TM6SF1: variants seen among roughly 807,000 people sequenced by gnomAD.
The protein encoded by TM6SF1 is transmembrane 6 superfamily member 1.
In TM6SF1, 43 loss-of-function variants were observed where a neutral mutation model predicts 47.1. That is an observed-to-expected ratio of 0.91 (90% confidence interval 0.72 to 1.18). TM6SF1 has a LOEUF of 1.18. Ranked by LOEUF, TM6SF1 falls within the 50% of genes most tolerant of loss-of-function variation. The pLI is 0.00. For synonymous variants in TM6SF1, 177 were observed against 166.3 expected (o/e 1.06, Z -0.49); for missense variants, 390 against 449.0 (o/e 0.87, Z 1.19).
In TM6SF1 at chr15:83,115,851, C is replaced by A. The variant is rs2034613617; in HGVS notation, c.203C>A (p.Ala68Glu). 1 of 1,613,058 alleles carries A rather than the reference C, an allele frequency of 6.2e-7. No homozygotes were observed. ...PPRDPLFYVY[A>E]VFGFTSVVNL... ...GCTGCTTTCTTTGCTCTAGTGTATG[C>A]AGTTTTTGGATTTACCAGCGTGGTG... Residue 68 changes from alanine (A) to glutamate (E), a missense_variant, in exon 3 of 10, where the codon GCA becomes GAA. By Grantham distance (107) the Ala-to-Glu change is moderately radical. Coordinates refer to ENST00000322019, the MANE Select transcript of TM6SF1 (RefSeq NM_023003.5).
At chr15:83,112,928 G>A (rs1232734571) in intron 2 of TM6SF1, 28 bp downstream of exon 2, 2 of 1,518,300 alleles carry the variant, frequency 1.3e-6, no homozygotes, top group East Asian at 2.2e-5. Flanking sequence ...GAAATCTTTT[G>A]TATCTGATTA....
intron 1 of TM6SF1, among the ~76,000 whole-genome samples, chr15:83,110,567 T>G (rs1331177599): frequency 5.3e-5 from 8 of 152,208 alleles, no homozygotes; most frequent in Non-Finnish European, 1.2e-4. Context: ...GCGATCCTGC[T>G]GGCAGTGAGT....
At position 83,126,163 on chromosome 15, in the gene TM6SF1, A is replaced by T. The variant is rs1178419950; in HGVS notation, c.709-592A>T. Among the ~76,000 whole-genome samples the T allele has an allele frequency of 2.0e-5, 3 of 152,200 alleles. No individual in the cohort carries two copies. The East Asian group carries it at 5.8e-4, about 29-fold the overall frequency. On this transcript the variant is annotated intron_variant, in intron 7 of 9. Transcript: ENST00000322019. The stretch of plus-strand genomic sequence containing the variant: ...CTCTGTCATTGGCCTGTGTTCATAT[A>T]TGCCATCTAGGTGGGACAACATTTA...
chr15:83,126,683 A>G lies in TM6SF1; in HGVS notation c.709-72A>G, dbSNP rs2035776952. On this transcript the variant is annotated intron_variant, in intron 7 of 9. Coordinates refer to ENST00000322019, the MANE Select transcript of TM6SF1 (RefSeq NM_023003.5). ...AGCAGCTTGTGACTAAACCTGGCAC[A>G]TTTAGCCTTATCAGCAAACCTAAGA... is the stretch of plus-strand genomic sequence containing the variant. The G allele has an allele frequency of 4.7e-6, 6 of 1,269,628 alleles. No individual in the cohort carries two copies. In the East Asian group the frequency reaches 1.2e-4, roughly 25 times the overall value. 78.6% of individuals were successfully genotyped at this position (1,269,628 alleles called of 1,614,324 possible). A position where few individuals can be genotyped will look rare whatever the true frequency, so the allele number is the denominator to read the frequency against.
Position 83,107,792 on chromosome 15 carries a change from G to T in TM6SF1, c.92+20G>T, listed in dbSNP as rs751130486. Reference sequence around the variant, plus strand: ...GCATGAGTGAGTGAGCCGGCGCGGCGGGGGTCGCGCCGAGGGGCGGCGGGA... The same window carrying T: ...GCATGAGTGAGTGAGCCGGCGCGGCTGGGGTCGCGCCGAGGGGCGGCGGGA... On this transcript the variant is annotated intron_variant, in intron 1 of 9. Coordinates refer to ENST00000322019, the MANE Select transcript of TM6SF1 (RefSeq NM_023003.5). This position sits in a 1 kb window ranked among gnomAD's most constrained non-coding sequence, Gnocchi z 5.6. 39 of 1,569,664 alleles carry T rather than the reference G, an allele frequency of 2.5e-5. No individual in the cohort carries two copies. The South Asian group carries it at 4.5e-4, about 18-fold the overall frequency.
chr15:83,124,478 C>A (rs183844844), intron 6 of TM6SF1, among the ~76,000 whole-genome samples, 194 bp from the exon 7 acceptor site: 2 of 152,218 alleles, frequency 1.3e-5, no homozygotes, highest in Non-Finnish European at 2.9e-5. Flanking sequence ...AGCCCAAATT[C>A]TTCATTTCAC....
chr15:83,116,598 G>C (rs1450705517), intron 3 of TM6SF1, among the ~76,000 whole-genome samples: 1 of 152,186 alleles, frequency 6.6e-6, no homozygotes, highest in Admixed American at 6.5e-5. Context: ...TGTGAGGGAA[G>C]ATTTTAAGTC....
chr15:83,136,444 T>C, intron 9 of TM6SF1, 37 bp from the exon 10 acceptor site: 1 of 1,540,350 alleles, frequency 6.5e-7, no homozygotes, highest in East Asian at 2.2e-5. Context: ...TGAACACGTT[T>C]CATGCTTACT....
intron 1 of TM6SF1, among the ~76,000 whole-genome samples, chr15:83,108,749 C>G (rs1257554320): frequency 3.3e-5 from 5 of 152,156 alleles, no homozygotes; most frequent in Non-Finnish European, 7.4e-5. Context: ...GCTGCAAACC[C>G]CCTTCAGCTG....
chr15:83,122,312 C>A (rs1035920884), intron 5 of TM6SF1, among the ~76,000 whole-genome samples: 1 of 151,828 alleles, frequency 6.6e-6, no homozygotes, highest in Non-Finnish European at 1.5e-5. Flanking sequence ...TATGTTAACT[C>A]CTGACACACT....
intron 3 of TM6SF1, among the ~76,000 whole-genome samples, chr15:83,119,131 C>A (rs1700420457): frequency 6.6e-6 from 1 of 152,146 alleles, no homozygotes; most frequent in Non-Finnish European, 1.5e-5. Flanking sequence ...AGTGTTGTGC[C>A]ATGCCCAGCC....
intron 9 of TM6SF1, chr15:83,130,670 GC>G (rs2036168576): frequency 6.6e-6 from 1 of 152,222 alleles, no homozygotes; most frequent in Non-Finnish European, 1.5e-5. Context: ...AAAGTTAGAA[GC>G]CATGCCGCAA....
intron 4 of TM6SF1, among the ~76,000 whole-genome samples, chr15:83,120,559 A>G (rs558990290): frequency 5.4e-4 from 80 of 148,874 alleles, no homozygotes; most frequent in Middle Eastern, 7.3e-3. Context: ...CACTCCCAAC[A>G]TGCACTCAAG....
chr15:83,128,311 A>C (rs889747795), intron 9 of TM6SF1: 22 of 152,356 alleles, frequency 1.4e-4, no homozygotes, highest in African/African-American at 5.3e-4. Flanking sequence ...TAAGGGGTCA[A>C]TGCATTAAAT....
Position 83,115,907 on chromosome 15 carries a change from A to G in TM6SF1, c.259A>G (p.Ile87Val). 1 of 1,614,182 alleles carries G rather than the reference A, an allele frequency of 6.2e-7. No homozygotes were observed. Among genetic ancestry groups the G allele is most frequent in the South Asian group, 1.1e-5 (1 of 91,080 alleles). Reference protein sequence around the residue: ...NLIIGLEQDGIIDGFMTHYLR... With the variant: ...NLIIGLEQDGVIDGFMTHYLR... Reference sequence around the variant, plus strand: ...CATCATAGGACTGGAGCAAGATGGAATCATTGACGGGTTCATGACACACTA... The same window carrying G: ...CATCATAGGACTGGAGCAAGATGGAGTCATTGACGGGTTCATGACACACTA... Residue 87 changes from isoleucine to valine, a missense_variant, in exon 3 of 10, where the codon ATC becomes GTC. By Grantham distance (29) the Ile-to-Val change is conservative. Coordinates refer to ENST00000322019, the MANE Select transcript of TM6SF1 (RefSeq NM_023003.5).
chr15:83,107,927 G>A lies in TM6SF1; in HGVS notation c.92+155G>A, dbSNP rs2033811722. ...GGCTCCCCGCGCCTGGCCAGACTAG[G>A]GGGGCGCCCCAGGGGTCGCACGGGC... On this transcript the variant is annotated intron_variant, in intron 1 of 9. Coordinates refer to ENST00000322019, the MANE Select transcript of TM6SF1 (RefSeq NM_023003.5). The surrounding 1 kb of genome is among the most constrained non-coding windows in gnomAD (Gnocchi z 5.6). 3.1e-6 allele frequency: 4 copies of A among 1,288,018 alleles called. No homozygotes were observed. The highest frequency in any genetic ancestry group is 3.0e-6 in the Non-Finnish European group (3 of 1,014,142). The allele number at this position is 1,288,018 out of a possible 1,614,324, so 79.8% of individuals were successfully genotyped here. A position where few individuals can be genotyped will look rare whatever the true frequency, so the allele number is the denominator to read the frequency against.
chr15:83,112,789 C>T lies in TM6SF1; in HGVS notation c.93-8C>T, dbSNP rs370383601. 40 of 1,605,178 alleles carry T rather than the reference C, an allele frequency of 2.5e-5. No individual in the cohort carries two copies. Among genetic ancestry groups the T allele is most frequent in the African/African-American group, 1.1e-4 (8 of 74,876 alleles). ...ATAGTGACCACCTCCCTGTTCTGGTCGTTGCAGTTCCTGGACTATTGTAGG... is the reference window on the plus strand; with the variant it reads ...ATAGTGACCACCTCCCTGTTCTGGTTGTTGCAGTTCCTGGACTATTGTAGG... On this transcript the variant is annotated splice_region_variant and splice_polypyrimidine_tract_variant and intron_variant, in intron 1 of 9. Coordinates refer to ENST00000322019, the MANE Select transcript of TM6SF1 (RefSeq NM_023003.5).
chr15:83,127,551 C>A, intron 9 of TM6SF1, 74 bp downstream of exon 9: 1 of 1,554,556 alleles, frequency 6.4e-7, no homozygotes, highest in Non-Finnish European at 8.8e-7. Flanking sequence ...AAAAACTTCT[C>A]TGCTCAGTGT....
intron 3 of TM6SF1, 87 bp downstream of exon 3, chr15:83,116,029 A>G: frequency 1.9e-6 from 2 of 1,047,908 alleles, no homozygotes; most frequent in Non-Finnish European, 3.0e-6. Context: ...CCTCTCATTT[A>G]GTGTGAACAG....
Sources: gnomAD v4.1 joint callset for allele counts (sites outside exome capture counted in the v4.1 genomes callset) on GRCh38, gnomAD v4.1.1 for gene constraint, Gnocchi (gnomAD v3.1) non-coding constraint, MANE v1.5 for transcripts, NCBI Gene and HGNC (gene_info 2026-07-23, HGNC 2026-07-21) for gene names.